ARHGAP15: variants seen among roughly 807,000 people sequenced by gnomAD.
ARHGAP15 encodes the protein Rho GTPase activating protein 15.
Under a neutral mutation model 63.7 loss-of-function variants are expected in ARHGAP15, and 51 were observed. The ratio of observed to expected loss-of-function variants is 0.80; its 90% CI spans 0.64 to 1.01. The LOEUF (loss-of-function observed/expected upper bound fraction) is 1.01, where lower values mean the gene tolerates loss of function less well. ARHGAP15 is among the 50% of genes least tolerant of loss of function. The pLI is 0.00. For missense variants in ARHGAP15, 560 were observed against 564.6 expected (o/e 0.99, Z 0.08); for synonymous variants, 191 against 193.8 (o/e 0.99, Z 0.12).
chr2:143,541,454 T>C (rs981218903), intron 10 of ARHGAP15, among the ~76,000 whole-genome samples: 4 of 152,346 alleles, frequency 2.6e-5, no homozygotes. Context: ...AGAGGAGCTC[T>C]GATTTTTAGA....
chr2:143,573,912 CTT>C (rs1188181976), intron 11 of ARHGAP15, among the ~76,000 whole-genome samples: 1 of 152,074 alleles, frequency 6.6e-6, no homozygotes, highest in African/African-American at 2.4e-5. Flanking sequence ...GGTTGCCTCT[CTT>C]ATATTTTATG....
chr2:143,563,578 G>C (rs1212182370), intron 11 of ARHGAP15, among the ~76,000 whole-genome samples: 2 of 149,210 alleles, frequency 1.3e-5, no homozygotes, highest in African/African-American at 4.8e-5. Flanking sequence ...GAAATTTAAA[G>C]TATTAATTCG....
rs1347550819 is a variant in ARHGAP15, at chr2:143,662,402, A to G, written c.1138+38135A>G. On this transcript the variant is annotated intron_variant, in intron 12 of 13. Coordinates refer to ENST00000295095, the MANE Select transcript of ARHGAP15 (RefSeq NM_018460.4). ...AACAAACAGAAAGGACATCCACACCAAAAACCCATCTGTACATCACCATCA... is the reference window on the plus strand; with the variant it reads ...AACAAACAGAAAGGACATCCACACCGAAAACCCATCTGTACATCACCATCA... 3.3e-3 allele frequency among the ~76,000 whole-genome samples: 482 copies of G among 145,234 alleles called. 1 individual carries two copies. Among genetic ancestry groups the G allele is most frequent in the African/African-American group, 0.012 (462 of 40,060 alleles).
At chr2:143,562,788 T>C (rs987980539) in intron 11 of ARHGAP15, among the ~76,000 whole-genome samples, 12 of 152,218 alleles carry the variant, frequency 7.9e-5, no homozygotes, top group South Asian at 4.1e-4. Context: ...TAAGAAAATG[T>C]ATTGGCATTA....
intron 2 of ARHGAP15, among the ~76,000 whole-genome samples, chr2:143,157,690 A>G (rs1459683378): frequency 6.6e-6 from 1 of 150,820 alleles, no homozygotes; most frequent in African/African-American, 2.4e-5. Context: ...CATGGCACTA[A>G]TTTTCTTTCT....
chr2:143,293,629 G>C (rs1279532203), intron 6 of ARHGAP15, among the ~76,000 whole-genome samples: 1 of 152,078 alleles, frequency 6.6e-6, no homozygotes, highest in African/African-American at 2.4e-5. Flanking sequence ...GTCAGGCTTT[G>C]TTAATGATGC....
chr2:143,319,559 TA>T (rs954288827), intron 6 of ARHGAP15, among the ~76,000 whole-genome samples: 2 of 152,194 alleles, frequency 1.3e-5, no homozygotes, highest in African/African-American at 4.8e-5. Flanking sequence ...ATTTCTATTT[TA>T]AATAACATAA....
intron 13 of ARHGAP15, among the ~76,000 whole-genome samples, chr2:143,742,398 G>C (rs1329030637): frequency 2.0e-5 from 3 of 152,178 alleles, no homozygotes; most frequent in Non-Finnish European, 4.4e-5. Context: ...GCAACGCCAA[G>C]TCTAGAAGTC....
At chr2:143,728,930 C>T (rs564522507) in intron 13 of ARHGAP15, among the ~76,000 whole-genome samples, 1 of 152,330 alleles carries the variant, frequency 6.6e-6, no homozygotes, top group African/African-American at 2.4e-5. Flanking sequence ...TTTGTGGAAT[C>T]CCAGCAGTCT....
chr2:143,235,957 G>A, intron 5 of ARHGAP15: 1 of 1,546,566 alleles, frequency 6.5e-7, no homozygotes, highest in Non-Finnish European at 8.7e-7. Flanking sequence ...GCTTCTGCTT[G>A]ATGTGTTCAG....
At chr2:143,528,147 C>G (rs1694361653) in intron 10 of ARHGAP15, among the ~76,000 whole-genome samples, 2 of 152,078 alleles carry the variant, frequency 1.3e-5, no homozygotes, top group Admixed American at 1.3e-4. Context: ...CAGAGGAAGT[C>G]ATATCCCATT....
chr2:143,142,096 A>G (rs75080749), intron 1 of ARHGAP15, among the ~76,000 whole-genome samples: 2 of 151,870 alleles, frequency 1.3e-5, no homozygotes, highest in African/African-American at 2.4e-5. Flanking sequence ...GTTTTTTTTT[A>G]AAAGTAACAA....
At chr2:143,226,521 T>A (rs1693219816) in intron 4 of ARHGAP15, among the ~76,000 whole-genome samples, 1 of 152,164 alleles carries the variant, frequency 6.6e-6, no homozygotes, top group Non-Finnish European at 1.5e-5. Flanking sequence ...ATCTTTCTCT[T>A]TTTCCTGTTT....
chr2:143,757,373 T>A (rs1686615433), intron 13 of ARHGAP15, among the ~76,000 whole-genome samples: 1 of 152,038 alleles, frequency 6.6e-6, no homozygotes, highest in African/African-American at 2.4e-5. Context: ...TAGCCAGGCA[T>A]GGTAACGCGT....
intron 11 of ARHGAP15, among the ~76,000 whole-genome samples, chr2:143,622,414 C>A (rs1392004851): frequency 6.6e-6 from 1 of 152,056 alleles, no homozygotes; most frequent in Non-Finnish European, 1.5e-5. Flanking sequence ...AATGTGAAAA[C>A]CCCGTTCTTT....
At chr2:143,181,732 A>T (rs922292146) in intron 2 of ARHGAP15, among the ~76,000 whole-genome samples, 16 of 152,152 alleles carry the variant, frequency 1.1e-4, no homozygotes, top group Admixed American at 2.0e-4. Flanking sequence ...GGCTGCTTTG[A>T]TCTTCTATCC....
intron 13 of ARHGAP15, among the ~76,000 whole-genome samples, chr2:143,767,227 T>C (rs1333731145): frequency 6.6e-6 from 1 of 152,162 alleles, no homozygotes; most frequent in Non-Finnish European, 1.5e-5. Flanking sequence ...GTTTCTAGGA[T>C]GGGGCTTTAT....
intron 10 of ARHGAP15, among the ~76,000 whole-genome samples, chr2:143,539,368 T>A (rs1694937584): frequency 6.6e-6 from 1 of 151,884 alleles, no homozygotes; most frequent in Non-Finnish European, 1.5e-5. Context: ...GTTTTTTGTG[T>A]CTCTATTTCC....
At chr2:143,466,462 C>G (rs1354894267) in intron 8 of ARHGAP15, among the ~76,000 whole-genome samples, 1 of 151,616 alleles carries the variant, frequency 6.6e-6, no homozygotes, top group Non-Finnish European at 1.5e-5. Context: ...ATATATTTGT[C>G]CAAGCATTCA....
Sources: allele counts gnomAD v4.1 joint callset (sites outside exome capture counted in the v4.1 genomes callset), GRCh38; gene constraint gnomAD v4.1.1; transcripts MANE v1.5; gene names NCBI Gene and HGNC (gene_info 2026-07-23, HGNC 2026-07-21).